PCDHA7: variants seen among roughly 807,000 people sequenced by gnomAD.
PCDHA7 encodes protocadherin alpha 7.
A neutral mutation model predicts 57.2 loss-of-function variants in PCDHA7; 37 were observed. The observed-to-expected ratio is 0.65, with a 90% confidence interval of 0.50 to 0.85. PCDHA7 has a LOEUF of 0.85. PCDHA7 is among the 40% of genes least tolerant of loss of function. The pLI is 0.00. For missense variants in PCDHA7, 1,188 were observed against 1,241.8 expected (o/e 0.96, Z 0.65); for synonymous variants, 553 against 558.8 (o/e 0.99, Z 0.15).
chr5:140,861,259 G>A (rs1180244061), intron 1 of PCDHA7: 2 of 166,330 alleles, frequency 1.2e-5, no homozygotes, highest in Non-Finnish European at 2.6e-5. Flanking sequence ...AGGAATCCCG[G>A]AGCCTACAGC....
chr5:140,875,986 T>C, intron 1 of PCDHA7: 1 of 1,613,998 alleles, frequency 6.2e-7, no homozygotes, highest in East Asian at 2.2e-5. Context: ...GACCTATGCG[T>C]TAAGTCTAAA....
intron 1 of PCDHA7, among the ~76,000 whole-genome samples, chr5:140,961,406 G>C (rs1046743232): frequency 4.6e-5 from 7 of 152,008 alleles, no homozygotes; most frequent in Non-Finnish European, 1.0e-4. Flanking sequence ...AACACTTTTT[G>C]GCATGTTATT....
At chr5:140,970,009 A>G (rs2096376687) in intron 1 of PCDHA7, among the ~76,000 whole-genome samples, 2 of 152,174 alleles carry the variant, frequency 1.3e-5, no homozygotes, top group African/African-American at 4.8e-5. Flanking sequence ...GGAGTGGATG[A>G]TGGTGAGGCA....
intron 2 of PCDHA7, among the ~76,000 whole-genome samples, chr5:140,981,687 A>ATCATTCAT (rs200213847): frequency 0.01 from 1,586 of 152,088 alleles, 32 homozygotes; most frequent in African/African-American, 0.036. Flanking sequence ...CCTCCCTTCC[A>ATCATTCAT]TCATTCATTC....
chr5:140,837,063 T>G, intron 1 of PCDHA7: 1 of 187,816 alleles, frequency 5.3e-6, no homozygotes, highest in South Asian at 1.4e-4. Flanking sequence ...TTCCATATTT[T>G]GATAATCAAT....
At chr5:140,904,113 G>C (rs1051705657) in intron 1 of PCDHA7, among the ~76,000 whole-genome samples, 4 of 152,248 alleles carry the variant, frequency 2.6e-5, no homozygotes, top group African/African-American at 9.6e-5. Context: ...TCATTGCTGA[G>C]ATTTTGGTGC....
chr5:140,946,298 G>A (rs1670826449), intron 1 of PCDHA7, among the ~76,000 whole-genome samples: 1 of 151,840 alleles, frequency 6.6e-6, no homozygotes, highest in Admixed American at 6.6e-5. Flanking sequence ...CCTCACACCT[G>A]GTAGAATGGC....
intron 1 of PCDHA7, among the ~76,000 whole-genome samples, chr5:140,906,383 T>A (rs1386557574): frequency 6.6e-6 from 1 of 152,214 alleles, no homozygotes; most frequent in African/African-American, 2.4e-5. Context: ...TTACATAAAG[T>A]TAACATTTAA....
At chr5:140,954,722 G>A (rs1554221565) in intron 1 of PCDHA7, among the ~76,000 whole-genome samples, 1 of 152,092 alleles carries the variant, frequency 6.6e-6, no homozygotes, top group African/African-American at 2.4e-5. Context: ...TCTGTAGGTT[G>A]TCTTTTCACT....
rs781852534 is a variant in PCDHA7, at chr5:140,982,552, G to T, written c.2492G>T (p.Ser831Ile). 1 of 1,614,168 alleles carries T rather than the reference G, an allele frequency of 6.2e-7. No individual in the cohort carries two copies. The highest frequency in any genetic ancestry group is 2.2e-5 in the East Asian group (1 of 44,892). ...GATCAGCAGTGGCCAACAGTATCCAGTGCAACACCAGGTAAAGAGCTGGGG... is the reference window on the plus strand; with the variant it reads ...GATCAGCAGTGGCCAACAGTATCCATTGCAACACCAGGTAAAGAGCTGGGG... The part of the protein sequence containing the change: ...GPDQQWPTVS[S>I]ATPEPEAGEV... Residue 831 changes from serine (S) to isoleucine (I), a missense_variant, in exon 3 of 4, where the codon AGT (serine) becomes ATT (isoleucine). Physicochemically the swap from Ser to Ile is moderately radical, Grantham distance 142. Coordinates refer to ENST00000525929, the MANE Select transcript of PCDHA7 (RefSeq NM_018910.3).
At chr5:140,905,182 A>C (rs1283931938) in intron 1 of PCDHA7, among the ~76,000 whole-genome samples, 1 of 152,172 alleles carries the variant, frequency 6.6e-6, no homozygotes. Context: ...TTTAGATTTA[A>C]GTCTTTGATC....
At chr5:140,872,598 A>G (rs1211346027) in intron 1 of PCDHA7, among the ~76,000 whole-genome samples, 1 of 152,158 alleles carries the variant, frequency 6.6e-6, no homozygotes, top group African/African-American at 2.4e-5. Context: ...CCCCCATCTG[A>G]AAAAATAATT....
At chr5:140,913,867 T>G (rs1554196087) in intron 1 of PCDHA7, among the ~76,000 whole-genome samples, 2 of 152,234 alleles carry the variant, frequency 1.3e-5, no homozygotes. Flanking sequence ...TTGTTTAATT[T>G]CCATGTGTTC....
At chr5:140,891,246 A>AT (rs1213637493) in intron 1 of PCDHA7, among the ~76,000 whole-genome samples, 11 of 151,766 alleles carry the variant, frequency 7.2e-5, no homozygotes, top group South Asian at 2.1e-4. Context: ...ATTCAGTAGG[A>AT]TTTTTTTTAA....
rs139860906 is a variant in PCDHA7, at chr5:140,989,355, C to T, written c.2503+6792C>T. On this transcript the variant is annotated intron_variant, in intron 3 of 3. Transcript: ENST00000525929. Reference sequence around the variant, plus strand: ...CTGACTCAGCTCAAAGGTGATAGGTCACCTGTGTGACTGAGAGCTTTGTGG... The same window carrying T: ...CTGACTCAGCTCAAAGGTGATAGGTTACCTGTGTGACTGAGAGCTTTGTGG... Among the ~76,000 whole-genome samples the T allele has an allele frequency of 1.6e-4, 25 of 152,258 alleles. No individual in the cohort carries two copies. In the East Asian group the frequency reaches 4.4e-3, roughly 27 times the overall value.
At chr5:140,857,747 T>C (rs2150398019) in intron 1 of PCDHA7, 2 of 1,597,058 alleles carry the variant, frequency 1.3e-6, no homozygotes, top group South Asian at 1.1e-5. Context: ...GCTGCTGGCG[T>C]CTCCCGCTGG....
intron 1 of PCDHA7, among the ~76,000 whole-genome samples, chr5:140,933,589 G>T (rs1369666636): frequency 8.6e-5 from 13 of 152,012 alleles, no homozygotes; most frequent in Non-Finnish European, 2.9e-5. Context: ...GGGTTTTTAG[G>T]TTGATTTGTC....
chr5:140,974,605 G>T (rs2096633635), intron 1 of PCDHA7, among the ~76,000 whole-genome samples: 1 of 152,088 alleles, frequency 6.6e-6, no homozygotes, highest in Non-Finnish European at 1.5e-5. Context: ...TCTGCCTCCA[G>T]GGTTCAAGCG....
chr5:140,961,970 G>A (rs1282918892), intron 1 of PCDHA7, among the ~76,000 whole-genome samples: 1 of 150,888 alleles, frequency 6.6e-6, no homozygotes, highest in Non-Finnish European at 1.5e-5. Flanking sequence ...TGCAACCTCC[G>A]CCTCCTGGGT....
Sources: gnomAD v4.1 joint callset for allele counts (sites outside exome capture counted in the v4.1 genomes callset) on GRCh38, gnomAD v4.1.1 for gene constraint, MANE v1.5 for transcripts, NCBI Gene and HGNC (gene_info 2026-07-23, HGNC 2026-07-21) for gene names.